CDAN1: variants seen among roughly 807,000 people sequenced by gnomAD.
CDAN1 encodes the protein codanin 1, also known as codanin-1.
CDAN1 carries 107 observed loss-of-function variants against 139.8 expected under a neutral mutation model. The observed-to-expected ratio is 0.77, with a 90% CI of 0.65 to 0.90. The LOEUF is 0.90. CDAN1 is among the 40% of genes least tolerant of loss of function. The probability of loss-of-function intolerance (pLI) is 0.00; values close to 1 mark genes in which losing one functional copy is unlikely to be tolerated. For missense variants in CDAN1, 1,667 were observed against 1,575.7 expected (o/e 1.06, Z -0.98); for synonymous variants, 776 against 660.6 (o/e 1.17, Z -2.68).
intron 22 of CDAN1, 27 bp downstream of exon 22, chr15:42,727,928 C>T: frequency 6.2e-7 from 1 of 1,610,752 alleles, no homozygotes; most frequent in South Asian, 1.1e-5. Flanking sequence ...ACACTTGATT[C>T]AGCCACTCCC....
Position 42,727,617 on chromosome 15 carries a change from G to A in CDAN1, c.3096+4C>T, listed in dbSNP as rs2061547021. 6.4e-7 allele frequency: 1 copy of A among 1,563,140 alleles called. No individual in the cohort carries two copies. Reference sequence around the variant, plus strand: ...AAGCCAAAGGGAGTAGGGTAGCCGTGTACTTTTATCTCGGAGATGAGGTGG... The same window carrying A: ...AAGCCAAAGGGAGTAGGGTAGCCGTATACTTTTATCTCGGAGATGAGGTGG... On this transcript the variant is annotated splice_donor_region_variant and intron_variant, in intron 23 of 27. Coordinates refer to ENST00000356231, the MANE Select transcript of CDAN1 (RefSeq NM_138477.4).
chr15:42,737,105 C>CGA lies in CDAN1; in HGVS notation c.-4_-3insTC, dbSNP rs766346546. The CGA allele has an allele frequency of 6.8e-7, 1 of 1,477,988 alleles. No homozygotes were observed. Among genetic ancestry groups the CGA allele is most frequent in the South Asian group, 1.2e-5 (1 of 80,390 alleles). 91.6% of individuals were successfully genotyped at this position (1,477,988 alleles called of 1,614,324 possible). The stretch of plus-strand genomic sequence containing the variant: ...AGCGACTCCAAAACGGCCGCCATCC[C>CGA]GGTCGGGGCGCTCTGGGGCGACTGC... On this transcript the variant is annotated 5_prime_UTR_variant, in exon 1 of 28. Transcript: ENST00000356231.
Position 42,735,319 on chromosome 15 carries a change from A to T in CDAN1, c.999T>A (p.Thr333=). Residue 333 remains threonine (T), a synonymous_variant, in exon 5 of 28, where the codon ACT becomes ACA. Transcript: ENST00000356231. ...LELFFVFQLL[T]ARRMVTAKDS... is the part of the protein sequence containing the mutation. ...CCTTGGCAGTCACCATCCTCCGGGC[A>T]GTGAGGAGCTGAAAGACGAAGAAAA... 3 of 1,610,706 alleles carry T rather than the reference A, an allele frequency of 1.9e-6. No individual in the cohort carries two copies. Among genetic ancestry groups the T allele is most frequent in the Non-Finnish European group, 2.5e-6 (3 of 1,178,342 alleles).
At chr15:42,732,642 G>A (rs1181273054) in intron 9 of CDAN1, among the ~76,000 whole-genome samples, 3 of 152,142 alleles carry the variant, frequency 2.0e-5, no homozygotes, top group Non-Finnish European at 2.9e-5. Context: ...CACACCCCCC[G>A]ACCGTCTTCA....
Position 42,725,515 on chromosome 15 carries a change from G to A in CDAN1, c.3424C>T (p.Leu1142Phe). The A allele has an allele frequency of 6.2e-7, 1 of 1,614,184 alleles. No homozygotes were observed. The highest frequency in any genetic ancestry group is 8.5e-7 in the Non-Finnish European group (1 of 1,180,034). The stretch of plus-strand genomic sequence containing the variant: ...TCCCTTGGCCTTGTGTCTGCCAGAA[G>A]CCCCACATTTCTTGGGCTCAGCAGC... The part of the protein sequence containing the change: ...QLLLSPRNVG[L>F]LADTRPREWD... The change falls in exon 26 of 28, where the codon CTT (leucine) becomes TTT (phenylalanine). Residue 1142 changes from leucine (L) to phenylalanine (F), a missense_variant. Transcript: ENST00000356231.
At position 42,726,314 on chromosome 15, in the gene CDAN1, C is replaced by T. The variant is rs146049960; in HGVS notation, c.3200G>A (p.Arg1067His). ...GTGGCAGATGCCACAGCTCACCTGGCGGCACCGCAGCGTCTGGCCCAGCTG... is the reference window on the plus strand; with the variant it reads ...GTGGCAGATGCCACAGCTCACCTGGTGGCACCGCAGCGTCTGGCCCAGCTG... ...LGQLGQTLRC[R>H]QFLCPPAEQH... The change falls in exon 24 of 28, where the codon CGC becomes CAC. Residue 1067 changes from arginine to histidine, a missense_variant. By Grantham distance (29) the Arg-to-His change is conservative (BLOSUM62 0). Around this residue, in one of 3 missense-constraint regions of CDAN1, gnomAD observed 936 missense variants for 844.1 expected, o/e 1.11. Transcript: ENST00000356231. The T allele has an allele frequency of 6.0e-5, 95 of 1,587,550 alleles. No individual in the cohort carries two copies. Among genetic ancestry groups the T allele is most frequent in the Non-Finnish European group, 7.1e-5 (83 of 1,166,932 alleles).
chr15:42,729,922 A>ACGGGCCCCCCCCCCCCCCCCCCCC, intron 15 of CDAN1, 37 bp from the exon 16 acceptor site: 1 of 1,513,172 alleles, frequency 6.6e-7, no homozygotes. Context: ...AACTTCAGAG[A>ACGGGCCCCCCCCCCCCCCCCCCCC]CCCCCACCCA....
chr15:42,732,446 G>A lies in CDAN1; in HGVS notation c.1458-38C>T, dbSNP rs770489083. ...AGGCAGGAATGAAGGGTGTGGAAAG[G>A]AGGGAGAGGGAGAAAGATCTGAGAG... On this transcript the variant is annotated intron_variant, in intron 9 of 27. Coordinates refer to ENST00000356231, the MANE Select transcript of CDAN1 (RefSeq NM_138477.4). 3.2e-6 allele frequency: 5 copies of A among 1,573,666 alleles called. No homozygotes were observed. In the African/African-American group the frequency reaches 4.0e-5, roughly 13 times the overall value.
rs367852139 is a variant in CDAN1, at chr15:42,734,320, G to A, written c.1163C>T (p.Thr388Ile). 5.0e-5 allele frequency: 80 copies of A among 1,614,032 alleles called. No individual in the cohort carries two copies. The highest frequency in any genetic ancestry group is 6.5e-5 in the Non-Finnish European group (77 of 1,180,040). ...CTCATTCTCAGCCAGCAGCTTCAAG[G>A]TCCCTTTGTCCAGGTTGGAAAGAAC... ...FQVLSNLDKG[T>I]LKLLAENERL... The change falls in exon 7 of 28, where the codon ACC becomes ATC. Residue 388 changes from threonine (T) to isoleucine (I), a missense_variant. Thr to Ile is a moderately conservative substitution (Grantham distance 89, BLOSUM62 -1). Coordinates refer to ENST00000356231, the MANE Select transcript of CDAN1 (RefSeq NM_138477.4).
intron 6 of CDAN1, 117 bp from the exon 7 acceptor site, chr15:42,734,463 T>G: frequency 7.9e-7 from 1 of 1,270,800 alleles, no homozygotes; most frequent in Admixed American, 1.8e-5. Context: ...AGCCCAGATA[T>G]GTACTGCAAG....
intron 27 of CDAN1, 149 bp from the exon 28 acceptor site, chr15:42,724,765 T>A (rs969924860): frequency 5.8e-6 from 6 of 1,041,716 alleles, no homozygotes; most frequent in Middle Eastern, 2.7e-4. Flanking sequence ...CTTGTCTGTT[T>A]GTTAGTACTC....
rs761525555 is a variant in CDAN1, at chr15:42,731,241, A to T, written c.1830T>A (p.Asp610Glu). Residue 610 changes from aspartate (D) to glutamate (E), a missense_variant, in exon 12 of 28, where the codon GAT (aspartate) becomes GAA (glutamate). Physicochemically the swap from Asp to Glu is conservative, Grantham distance 45. This residue lies in a region of CDAN1 where 936 missense variants were observed against 844.1 expected (regional missense o/e 1.11). Coordinates refer to ENST00000356231, the MANE Select transcript of CDAN1 (RefSeq NM_138477.4). ...GLALPQHEPN[D>E]EDGESDVDWQ... ...AGTCTACGTCTGACTCCCCGTCTTC[A>T]TCATTGGGCTCATGCTGGGGCAGGG... 2.5e-6 allele frequency: 4 copies of T among 1,614,090 alleles called. No homozygotes were observed. Among genetic ancestry groups the T allele is most frequent in the South Asian group, 1.1e-5 (1 of 91,068 alleles).
intron 8 of CDAN1, among the ~76,000 whole-genome samples, chr15:42,733,433 C>T (rs1399544519): frequency 1.3e-5 from 2 of 152,154 alleles, no homozygotes; most frequent in Non-Finnish European, 2.9e-5. Flanking sequence ...CCCACCACCA[C>T]GCCTGGCTAA....
chr15:42,729,460 G>T, intron 17 of CDAN1, 98 bp from the exon 18 acceptor site: 1 of 1,598,588 alleles, frequency 6.3e-7, no homozygotes, highest in South Asian at 1.1e-5. Flanking sequence ...AGATACCCAG[G>T]AATGACTATG....
chr15:42,727,671 C>T lies in CDAN1; in HGVS notation c.3046G>A (p.Ala1016Thr), dbSNP rs369116219. Residue 1016 changes from alanine to threonine, a missense_variant, in exon 23 of 28, where the codon GCC becomes ACC. Ala to Thr is a moderately conservative substitution (Grantham distance 58). Transcript: ENST00000356231. ...GGGAGGGGAGCATGGTGCTCACAGG[C>T]GCGGGAGCAGCCCCTCCGCTCCCCC... ...ARGERRGCSR[A>T]CEHHAPLPSH... 1.0e-3 allele frequency: 1,643 copies of T among 1,589,162 alleles called. 26 individuals are homozygous for T. In the South Asian group the frequency reaches 0.017, roughly 16 times the overall value.
chr15:42,725,207 A>AC lies in CDAN1; in HGVS notation c.3494dup (p.Leu1166SerfsTer25). ...CCTCTATCTCCATCCGTCCCATCAG[A>AC]CCCTTCTCCACCAGCTCCCGTAGCA... On this transcript the variant is annotated frameshift_variant, in exon 27 of 28. Transcript: ENST00000356231. LOFTEE classifies it high-confidence loss of function. The AC allele has an allele frequency of 6.2e-7, 1 of 1,614,040 alleles. No individual in the cohort carries two copies. Among genetic ancestry groups the AC allele is most frequent in the South Asian group, 1.1e-5 (1 of 91,080 alleles).
At position 42,727,702 on chromosome 15, in the gene CDAN1, A is replaced by G. The variant is rs2061549261; in HGVS notation, c.3015T>C (p.Ala1005=). Residue 1005 remains alanine (A), a synonymous_variant, in exon 23 of 28, where the codon GCT becomes GCC. Transcript: ENST00000356231. ...RTLRAQGPEP[A]ARGERRGCSR... ...AGCAGCCCCTCCGCTCCCCCCGGGC[A>G]GCAGGTTCAGGACCCTGGGCTCGAA... The G allele has an allele frequency of 6.3e-7, 1 of 1,584,596 alleles. No individual in the cohort carries two copies. Among genetic ancestry groups the G allele is most frequent in the African/African-American group, 1.3e-5 (1 of 74,374 alleles).
intron 14 of CDAN1, 68 bp from the exon 15 acceptor site, chr15:42,730,283 A>C: frequency 7.1e-7 from 1 of 1,417,812 alleles, no homozygotes. Context: ...AAACGCCATC[A>C]GTGGAAACTG....
chr15:42,725,780 C>T (rs566094577), intron 25 of CDAN1, 110 bp from the exon 26 acceptor site: 74 of 1,136,462 alleles, frequency 6.5e-5, no homozygotes, highest in African/African-American at 2.8e-4. Context: ...ATCAGGGGTT[C>T]GAGACCAGTC....
Sources: allele counts gnomAD v4.1 joint callset (sites outside exome capture counted in the v4.1 genomes callset), GRCh38; gene constraint gnomAD v4.1.1; regional missense constraint gnomAD v4.1.1; transcripts MANE v1.5; gene names NCBI Gene and HGNC (gene_info 2026-07-23, HGNC 2026-07-21).